The following NCAM1 variants were observed in gnomAD, a reference collection of about 807,000 sequenced individuals.
The protein encoded by NCAM1 is neural cell adhesion molecule 1.
NCAM1 carries 14 observed loss-of-function variants against 109.8 expected under a neutral mutation model. The observed-to-expected ratio is 0.13, with a 90% CI of 0.08 to 0.20. NCAM1 has a LOEUF of 0.20. NCAM1 is among the 10% of genes least tolerant of loss of function. NCAM1 has a pLI of 1.00. For missense variants in NCAM1, 774 were observed against 1,109.9 expected (o/e 0.70, Z 4.30); for synonymous variants, 418 against 442.9 (o/e 0.94, Z 0.70).
intron 1 of NCAM1, among the ~76,000 whole-genome samples, chr11:113,068,132 C>G (rs566620204): frequency 3.3e-5 from 5 of 152,058 alleles, no homozygotes; most frequent in Non-Finnish European, 7.4e-5. Context: ...AGGATGGTCC[C>G]GATCTCCTGA....
intron 17 of NCAM1, among the ~76,000 whole-genome samples, chr11:113,266,530 C>T (rs139013378): frequency 6.6e-6 from 1 of 152,252 alleles, no homozygotes; most frequent in Non-Finnish European, 1.5e-5. Context: ...ACGTGCTCCT[C>T]TTTGTAATGC....
At chr11:112,965,187 T>C (rs1262148492) in intron 1 of NCAM1, among the ~76,000 whole-genome samples, 5 of 152,092 alleles carry the variant, frequency 3.3e-5, no homozygotes, top group African/African-American at 1.2e-4. Flanking sequence ...TATGTTGATT[T>C]AACTGGTGAC....
intron 1 of NCAM1, among the ~76,000 whole-genome samples, chr11:113,159,792 G>T (rs1466941251): frequency 1.3e-5 from 2 of 151,340 alleles, no homozygotes; most frequent in Admixed American, 1.3e-4. Context: ...TGCCATGTTG[G>T]TGTGCTGCAC....
chr11:113,092,366 T>C (rs1939387923), intron 1 of NCAM1, among the ~76,000 whole-genome samples: 1 of 152,172 alleles, frequency 6.6e-6, no homozygotes, highest in Non-Finnish European at 1.5e-5. Flanking sequence ...AACTGAAAGA[T>C]GAGTAGCTAC....
At chr11:113,150,163 T>C (rs1455620010) in intron 1 of NCAM1, among the ~76,000 whole-genome samples, 2 of 152,172 alleles carry the variant, frequency 1.3e-5, no homozygotes, top group Non-Finnish European at 2.9e-5. Flanking sequence ...TTGCGAAAAA[T>C]AAAGGTAAAT....
intron 16 of NCAM1, among the ~76,000 whole-genome samples, 190 bp downstream of exon 16, chr11:113,256,191 A>T (rs1945830199): frequency 6.6e-6 from 1 of 152,194 alleles, no homozygotes; most frequent in Non-Finnish European, 1.5e-5. Flanking sequence ...GGTCATGTTC[A>T]CACTGGGTCC....
At chr11:113,174,286 C>A (rs1943082700) in intron 1 of NCAM1, among the ~76,000 whole-genome samples, 5 of 152,180 alleles carry the variant, frequency 3.3e-5, no homozygotes, top group Admixed American at 3.3e-4. Context: ...GGGGTTTCAG[C>A]CCTTATTGAC....
chr11:113,256,866 G>A (rs1945847725), intron 16 of NCAM1, among the ~76,000 whole-genome samples: 1 of 152,234 alleles, frequency 6.6e-6, no homozygotes, highest in Admixed American at 6.5e-5. Flanking sequence ...TCGTAGTAGA[G>A]AAAAGAATGA....
intron 14 of NCAM1, among the ~76,000 whole-genome samples, chr11:113,235,837 T>A (rs1591445298): frequency 6.6e-6 from 1 of 152,246 alleles, no homozygotes; most frequent in Non-Finnish European, 1.5e-5. Context: ...ACTACGCCTA[T>A]CCCACTTTGC....
intron 1 of NCAM1, among the ~76,000 whole-genome samples, chr11:113,011,992 C>G (rs1952073116): frequency 6.8e-6 from 1 of 147,114 alleles, no homozygotes; most frequent in South Asian, 2.2e-4. Context: ...TCCTTCCTTC[C>G]TTCCTTCCTT....
chr11:113,122,058 C>T (rs1555096197), intron 1 of NCAM1, among the ~76,000 whole-genome samples: 1 of 152,174 alleles, frequency 6.6e-6, no homozygotes, highest in African/African-American at 2.4e-5. Flanking sequence ...GTAATCTAGT[C>T]TATTTCAGTC....
At chr11:113,022,713 G>GGTAC (rs1272482221) in intron 1 of NCAM1, among the ~76,000 whole-genome samples, 30 of 152,286 alleles carry the variant, frequency 2.0e-4, no homozygotes, top group African/African-American at 6.3e-4. Flanking sequence ...AAGGCAGGCA[G>GGTAC]GTACGTAGGT....
intron 1 of NCAM1, among the ~76,000 whole-genome samples, chr11:113,141,639 C>T (rs1270408312): frequency 2.8e-4 from 43 of 152,114 alleles, no homozygotes; most frequent in Admixed American, 2.8e-3. Context: ...CAGAGGGAGA[C>T]TCCGTCTCAA....
chr11:113,094,422 C>T (rs560056373), intron 1 of NCAM1, among the ~76,000 whole-genome samples: 20 of 152,290 alleles, frequency 1.3e-4, no homozygotes, highest in African/African-American at 4.8e-4. Context: ...CTGGCCATTT[C>T]ACCTTCAGAG....
chr11:113,077,998 A>G (rs1323138695), intron 1 of NCAM1, among the ~76,000 whole-genome samples: 7 of 152,106 alleles, frequency 4.6e-5, no homozygotes, highest in Non-Finnish European at 7.4e-5. Flanking sequence ...GAATGGGTAA[A>G]CATAGTTGCT....
chr11:112,974,411 G>A (rs1020344616), intron 1 of NCAM1, among the ~76,000 whole-genome samples: 13 of 151,978 alleles, frequency 8.6e-5, no homozygotes, highest in African/African-American at 2.7e-4. Flanking sequence ...GAAGAGCTGT[G>A]GGGCTCAGTG....
chr11:113,181,278 C>T (rs1457600025), intron 1 of NCAM1, among the ~76,000 whole-genome samples: 1 of 152,196 alleles, frequency 6.6e-6, no homozygotes, highest in Non-Finnish European at 1.5e-5. Flanking sequence ...TCTCAAGCTG[C>T]CCAAGTCAGC....
At chr11:113,266,604 T>G (rs1946138303) in intron 17 of NCAM1, among the ~76,000 whole-genome samples, 1 of 152,128 alleles carries the variant, frequency 6.6e-6, no homozygotes, top group Non-Finnish European at 1.5e-5. Flanking sequence ...GTTCAACTCC[T>G]GTTTCCTGAG....
intron 1 of NCAM1, among the ~76,000 whole-genome samples, chr11:113,057,641 A>G (rs139666309): frequency 0.014 from 2,074 of 152,314 alleles, 27 homozygotes; most frequent in Admixed American, 0.019. Flanking sequence ...GAGGAAATCT[A>G]GTAATTTGTT....
Sources: gnomAD v4.1 joint callset for allele counts (sites outside exome capture counted in the v4.1 genomes callset) on GRCh38, gnomAD v4.1.1 for gene constraint, MANE v1.5 for transcripts, NCBI Gene and HGNC (gene_info 2026-07-23, HGNC 2026-07-21) for gene names.